HTR4: variants seen among roughly 807,000 people sequenced by gnomAD.
HTR4 encodes the protein 5-hydroxytryptamine (serotonin) receptor 4, G protein-coupled.
Under a neutral mutation model 36.8 loss-of-function variants are expected in HTR4, and 16 were observed. The observed-to-expected ratio is 0.43, with a 90% CI of 0.29 to 0.66. HTR4 has a LOEUF of 0.66. HTR4 is among the 30% of genes least tolerant of loss of function. HTR4 has a pLI of 0.13. For missense variants in HTR4, 438 were observed against 490.9 expected, an observed-to-expected ratio of 0.89 and a Z score of 1.02; for synonymous variants, 189 against 185.1, an observed-to-expected ratio of 1.02 and a Z score of -0.17.
chr5:148,604,466 T>A (rs970964150), intron 2 of HTR4, among the ~76,000 whole-genome samples: 1 of 152,152 alleles, frequency 6.6e-6, no homozygotes, highest in Non-Finnish European at 1.5e-5. Flanking sequence ...AAGCTGAATA[T>A]ACACATAGCC....
chr5:148,594,351 C>CGTGTGTGT (rs59165561), intron 2 of HTR4, among the ~76,000 whole-genome samples: 25 of 148,678 alleles, frequency 1.7e-4, no homozygotes, highest in South Asian at 6.4e-4. Context: ...TTCTGGGTTT[C>CGTGTGTGT]GTGTGTGTGT....
At chr5:148,581,418 G>A (rs1177105120) in intron 2 of HTR4, among the ~76,000 whole-genome samples, 1 of 147,128 alleles carries the variant, frequency 6.8e-6, no homozygotes, top group East Asian at 2.0e-4. Context: ...TTATTACTGA[G>A]ATCAATGACA....
chr5:148,641,443 T>C (rs1753726407), intron 1 of HTR4, among the ~76,000 whole-genome samples: 1 of 152,158 alleles, frequency 6.6e-6, no homozygotes, highest in African/African-American at 2.4e-5. Flanking sequence ...CGGAAAAAGA[T>C]CATGGCAAGT....
rs111314510 is a variant in HTR4 at position 148,600,766 on chromosome 5, AT to A, written c.26+36222del. ...ATCTTTGACTTTAGTTCTGGCAATAATTTTTTTTAGGTATGACACCAAAAGC... is the reference window on the plus strand; with the variant it reads ...ATCTTTGACTTTAGTTCTGGCAATAATTTTTTTAGGTATGACACCAAAAGC... On this transcript the variant is annotated intron_variant, in intron 2 of 6. Coordinates refer to ENST00000377888, the MANE Select transcript of HTR4 (RefSeq NM_000870.7). Among the ~76,000 whole-genome samples, 776 of 151,686 alleles carry A rather than the reference AT, an allele frequency of 5.1e-3. 7 individuals are homozygous for A. Among genetic ancestry groups the A allele is most frequent in the African/African-American group, 0.017 (711 of 41,446 alleles).
chr5:148,635,352 A>G (rs1753494042), intron 2 of HTR4, among the ~76,000 whole-genome samples: 1 of 152,054 alleles, frequency 6.6e-6, no homozygotes, highest in African/African-American at 2.4e-5. Context: ...CCTGTTATTA[A>G]TATTGTGGAT....
At chr5:148,565,318 G>C (rs911226574) in intron 2 of HTR4, among the ~76,000 whole-genome samples, 1 of 152,016 alleles carries the variant, frequency 6.6e-6, no homozygotes, top group East Asian at 1.9e-4. Flanking sequence ...ATCATTATGA[G>C]AGCATGTTGT....
chr5:148,451,214 C>T (rs1225174851), exon 6 of HTR4: 1 of 1,613,820 alleles, frequency 6.2e-7, no homozygotes, highest in Admixed American at 1.7e-5. Context: ...GATTCTGGGT[C>T]ATTGTGTATG....
intron 5 of HTR4, among the ~76,000 whole-genome samples, chr5:148,469,329 C>T (rs569670229): frequency 6.6e-6 from 1 of 152,310 alleles, no homozygotes; most frequent in African/African-American, 2.4e-5. Flanking sequence ...CACTCTAACG[C>T]TGTACCACTG....
intron 6 of HTR4, among the ~76,000 whole-genome samples, chr5:148,507,052 C>A (rs1456262727): frequency 2.6e-5 from 4 of 152,088 alleles, no homozygotes; most frequent in Non-Finnish European, 4.4e-5. Context: ...ATAAATCATG[C>A]TGCTATAAAG....
chr5:148,504,527 C>T (rs1449734429), intron 6 of HTR4, among the ~76,000 whole-genome samples: 1 of 152,032 alleles, frequency 6.6e-6, no homozygotes, highest in Admixed American at 6.6e-5. Context: ...ACTAAATGCC[C>T]ACAAGAGAAA....
intron 2 of HTR4, among the ~76,000 whole-genome samples, chr5:148,611,965 C>A (rs1045491738): frequency 6.6e-6 from 1 of 152,122 alleles, no homozygotes; most frequent in African/African-American, 2.4e-5. Flanking sequence ...ATCAATTCAA[C>A]AAGAAGAGCT....
intron 4 of HTR4, among the ~76,000 whole-genome samples, chr5:148,540,572 G>A (rs976660180): frequency 5.3e-5 from 8 of 151,142 alleles, no homozygotes; most frequent in Non-Finnish European, 7.4e-5. Flanking sequence ...GTTGTGTTTC[G>A]ATGTCTGAAA....
chr5:148,451,486 G>A lies in HTR4; in HGVS notation c.1077-214C>T, dbSNP rs189051315. Reference sequence around the variant, plus strand: ...TATTAAATGTGGAGAAACAGTCCTGGAGGAAACGACAGGCCTAGGAGTGCA... The same window carrying A: ...TATTAAATGTGGAGAAACAGTCCTGAAGGAAACGACAGGCCTAGGAGTGCA... On this transcript the variant is annotated intron_variant, in intron 5 of 5. Transcript: ENST00000521530. 1.4e-3 allele frequency among the ~76,000 whole-genome samples: 208 copies of A among 152,194 alleles called. 1 individual carries two copies. The highest frequency in any genetic ancestry group is 2.5e-3 in the Non-Finnish European group (167 of 68,020).
rs757616219 is a variant in HTR4, at chr5:148,632,394, G to C, written c.26+4595C>G. Among the ~76,000 whole-genome samples the C allele has an allele frequency of 2.0e-4, 31 of 152,220 alleles. 1 individual carries two copies. The highest frequency in any genetic ancestry group is 8.3e-4 in the South Asian group (4 of 4,820). ...AATAAGAAAGCACAACAGTCATTTC[G>C]TGGAGAAGAAGCCGATCCTTAAATG... On this transcript the variant is annotated intron_variant, in intron 2 of 6. Coordinates refer to ENST00000377888, the MANE Select transcript of HTR4 (RefSeq NM_000870.7).
chr5:148,547,526 A>AAAAATAAAAT (rs373070134), intron 4 of HTR4, among the ~76,000 whole-genome samples: 6,619 of 124,944 alleles, frequency 0.053, 219 homozygotes, highest in Admixed American at 0.087. Flanking sequence ...CTCAAAAAAT[A>AAAAATAAAAT]AAAATAAAAT....
At chr5:148,593,909 A>G (rs771295377) in intron 2 of HTR4, among the ~76,000 whole-genome samples, 7 of 152,196 alleles carry the variant, frequency 4.6e-5, no homozygotes, top group Non-Finnish European at 7.4e-5. Context: ...GAATATTTTT[A>G]TATGCTAGAG....
At chr5:148,574,056 C>T (rs545814060) in intron 2 of HTR4, among the ~76,000 whole-genome samples, 86 of 152,126 alleles carry the variant, frequency 5.7e-4, no homozygotes, top group Non-Finnish European at 9.7e-4. Context: ...CATAGGCTGA[C>T]CATTATAGTC....
chr5:148,473,697 T>G (rs142584858), downstream of HTR4, among the ~76,000 whole-genome samples: 254 of 152,228 alleles, frequency 1.7e-3, 2 homozygotes, highest in South Asian at 0.021. Flanking sequence ...CAAAAACACT[T>G]GTCAAGTGAA....
chr5:148,649,269 T>C (rs1228754171), intron 1 of HTR4, among the ~76,000 whole-genome samples: 1 of 142,404 alleles, frequency 7.0e-6, no homozygotes, highest in African/African-American at 2.5e-5. Flanking sequence ...GAATGTGTGA[T>C]CATGAAAAAA....
Sources: gnomAD v4.1 joint callset for allele counts (sites outside exome capture counted in the v4.1 genomes callset) on GRCh38, gnomAD v4.1.1 for gene constraint, MANE v1.5 for transcripts, NCBI Gene and HGNC (gene_info 2026-07-23, HGNC 2026-07-21) for gene names.